The following XRCC6 variants were observed in gnomAD, a reference collection of about 807,000 sequenced individuals.
The protein encoded by XRCC6 is X-ray repair cross complementing 6.
XRCC6 carries 5 observed loss-of-function variants against 65.7 expected under a neutral mutation model. The observed-to-expected ratio is 0.08, with a 90% CI of 0.04 to 0.16. The LOEUF (loss-of-function observed/expected upper bound fraction) is 0.16, where lower values mean the gene tolerates loss of function less well. Ranked by LOEUF, XRCC6 falls within the 10% of genes least tolerant of loss-of-function variation. The probability of loss-of-function intolerance (pLI) is 1.00; values close to 1 mark genes in which losing one functional copy is unlikely to be tolerated. For missense variants in XRCC6, 447 were observed against 738.1 expected (o/e 0.61, Z 4.57); for synonymous variants, 270 against 270.6 (o/e 1.00, Z 0.02).
chr22:41,652,224 T>G (rs951053646), intron 8 of XRCC6, among the ~76,000 whole-genome samples: 1 of 144,244 alleles, frequency 6.9e-6, no homozygotes, highest in African/African-American at 2.5e-5. Flanking sequence ...GCCGTTGTGT[T>G]TATTTGTGCA....
Position 41,663,700 on chromosome 22 carries a change from C to T in XRCC6, c.1715C>T (p.Thr572Met). ...EELKTHISKG[T>M]LGKFTVPMLK... ...CTGAAGACCCACATCAGCAAGGGTA[C>T]GCTGGGCAAGTTCACTGTGCCCATG... is the stretch of plus-strand genomic sequence containing the variant. Residue 572 changes from threonine (T) to methionine (M), a missense_variant, in exon 13 of 13, where the codon ACG (threonine) becomes ATG (methionine). Around this residue, in one of 4 missense-constraint regions of XRCC6, gnomAD observed 201 missense variants for 374.1 expected, o/e 0.54. Transcript: ENST00000360079. 1 of 1,613,956 alleles carries T rather than the reference C, an allele frequency of 6.2e-7. No individual in the cohort carries two copies. The highest frequency in any genetic ancestry group is 8.5e-7 in the Non-Finnish European group (1 of 1,179,870).
rs952979212 is a variant in XRCC6 at position 41,647,052 on chromosome 22, G to C, written c.930G>C (p.Leu310Phe). 1.2e-6 allele frequency: 2 copies of C among 1,614,026 alleles called. No individual in the cohort carries two copies. Among genetic ancestry groups the C allele is most frequent in the African/African-American group, 2.7e-5 (2 of 74,914 alleles). ...CCTTTAATACAAGTACAGGCGGTTT[G>C]CTTCTGCCTAGCGATACCAAGAGGT... ...TRTFNTSTGGLLLPSDTKRSQ... is the reference protein window; with the variant it reads ...TRTFNTSTGGFLLPSDTKRSQ... Residue 310 changes from leucine to phenylalanine, a missense_variant, in exon 7 of 13, where the codon TTG (leucine) becomes TTC (phenylalanine). Leu to Phe is a conservative substitution (Grantham distance 22, BLOSUM62 0). Coordinates refer to ENST00000360079, the MANE Select transcript of XRCC6 (RefSeq NM_001469.5).
Position 41,647,042 on chromosome 22 carries a change from C to G in XRCC6, c.920C>G (p.Thr307Arg). ...AAGACCCGGACCTTTAATACAAGTA[C>G]AGGCGGTTTGCTTCTGCCTAGCGAT... ...KTKTRTFNTS[T>R]GGLLLPSDTK... The change falls in exon 7 of 13, where the codon ACA (threonine) becomes AGA (arginine). Residue 307 changes from threonine to arginine, a missense_variant. Thr to Arg is a moderately conservative substitution (Grantham distance 71, BLOSUM62 -1). This residue lies in a region of XRCC6 where 201 missense variants were observed against 374.1 expected (regional missense o/e 0.54). Transcript: ENST00000360079. The G allele has an allele frequency of 6.2e-7, 1 of 1,614,140 alleles. No homozygotes were observed. The highest frequency in any genetic ancestry group is 8.5e-7 in the Non-Finnish European group (1 of 1,180,032).
intron 6 of XRCC6, among the ~76,000 whole-genome samples, chr22:41,645,899 C>G (rs2067927153): frequency 6.6e-6 from 1 of 151,718 alleles, no homozygotes; most frequent in East Asian, 1.9e-4. Flanking sequence ...TGGGGTTTCA[C>G]CATGTTGGCC....
At chr22:41,663,109 T>C (rs1392110426) in intron 12 of XRCC6, among the ~76,000 whole-genome samples, 1 of 152,138 alleles carries the variant, frequency 6.6e-6, no homozygotes, top group Non-Finnish European at 1.5e-5. Context: ...ATATCCTTTT[T>C]TTGTTTTTAG....
chr22:41,635,506 C>T (rs1016557770), intron 3 of XRCC6, among the ~76,000 whole-genome samples: 5 of 152,256 alleles, frequency 3.3e-5, no homozygotes, highest in African/African-American at 9.6e-5. Flanking sequence ...TTGCTTCGCC[C>T]CAACTCCCAT....
chr22:41,639,105 T>C (rs1049176470), intron 6 of XRCC6, among the ~76,000 whole-genome samples: 1 of 152,102 alleles, frequency 6.6e-6, no homozygotes, highest in Non-Finnish European at 1.5e-5. Flanking sequence ...ACCAAAATGT[T>C]AGTGGTGCAT....
At chr22:41,658,467 C>A in intron 11 of XRCC6, 115 bp downstream of exon 11, 1 of 939,138 alleles carries the variant, frequency 1.1e-6, no homozygotes, top group Non-Finnish European at 1.7e-6. Context: ...ACCTCATTCC[C>A]CAGACCCCCT....
chr22:41,655,060 C>A (rs943986120), intron 9 of XRCC6, among the ~76,000 whole-genome samples: 1 of 152,184 alleles, frequency 6.6e-6, no homozygotes, highest in Non-Finnish European at 1.5e-5. Flanking sequence ...TAGTAGCTGT[C>A]TTGGTTATCA....
chr22:41,663,517 A>G, intron 12 of XRCC6, 105 bp from the exon 13 acceptor site: 2 of 1,307,080 alleles, frequency 1.5e-6, no homozygotes, highest in Non-Finnish European at 2.1e-6. Flanking sequence ...TCACAGCTTT[A>G]TGGTTAATTG....
intron 9 of XRCC6, 66 bp downstream of exon 9, chr22:41,653,756 C>A (rs1440384871): frequency 1.3e-6 from 2 of 1,540,896 alleles, no homozygotes; most frequent in Non-Finnish European, 1.8e-6. Flanking sequence ...TCCATGGACT[C>A]CTAATGCAGA....
intron 3 of XRCC6, among the ~76,000 whole-genome samples, chr22:41,634,856 C>T (rs2067793245): frequency 6.6e-6 from 1 of 152,058 alleles, no homozygotes; most frequent in Admixed American, 6.6e-5. Flanking sequence ...CTGATGAGCT[C>T]TTACAAGACC....
chr22:41,628,102 A>T lies in XRCC6; in HGVS notation c.83-16A>T. 1 of 1,562,834 alleles carries T rather than the reference A, an allele frequency of 6.4e-7. No individual in the cohort carries two copies. The highest frequency in any genetic ancestry group is 2.2e-5 in the East Asian group (1 of 44,554). On this transcript the variant is annotated splice_polypyrimidine_tract_variant and intron_variant, in intron 2 of 12. Coordinates refer to ENST00000360079, the MANE Select transcript of XRCC6 (RefSeq NM_001469.5). ...AAAACAAGGACAAACATTTTCTTCC[A>T]TTTTTTTCCCCATAGGAGACTATAA... is the stretch of plus-strand genomic sequence containing the variant.
rs1290088535 is a variant in XRCC6 at position 41,636,889 on chromosome 22, A to G, written c.589+119A>G. ...CAGCCTCCCAAGTAGCTGGGACTAT[A>G]AGCATGTGCTGTTGTGCCCAGTGCA... On this transcript the variant is annotated intron_variant, in intron 5 of 12. Coordinates refer to ENST00000360079, the MANE Select transcript of XRCC6 (RefSeq NM_001469.5). The G allele has an allele frequency of 2.1e-5, 28 of 1,340,654 alleles. No homozygotes were observed. In the Admixed American group the frequency reaches 7.5e-4, roughly 36 times the overall value. The allele number at this position is 1,340,654 out of a possible 1,614,324, so 83.0% of individuals were successfully genotyped here. A position where few individuals can be genotyped will look rare whatever the true frequency, so the allele number is the denominator to read the frequency against.
At chr22:41,650,145 C>T (rs1601550098) in intron 7 of XRCC6, among the ~76,000 whole-genome samples, 1 of 151,622 alleles carries the variant, frequency 6.6e-6, no homozygotes, top group Non-Finnish European at 1.5e-5. Flanking sequence ...TGCTCTGGTA[C>T]CCAGGTTGCA....
rs1354699289 is a variant in XRCC6, at chr22:41,647,028, C to G, written c.906C>G (p.Thr302=). 3 of 1,614,020 alleles carry G rather than the reference C, an allele frequency of 1.9e-6. No homozygotes were observed. The highest frequency in any genetic ancestry group is 1.3e-5 in the African/African-American group (1 of 74,918). The part of the protein sequence containing the change: ...TNEPVKTKTR[T]FNTSTGGLLL... ...AACCAGTGAAAACCAAGACCCGGAC[C>G]TTTAATACAAGTACAGGCGGTTTGC... Residue 302 remains threonine, a synonymous_variant, in exon 7 of 13, where the codon ACC becomes ACG. Coordinates refer to ENST00000360079, the MANE Select transcript of XRCC6 (RefSeq NM_001469.5).
At chr22:41,626,619 T>A (rs1233027643) in intron 2 of XRCC6, among the ~76,000 whole-genome samples, 1 of 150,118 alleles carries the variant, frequency 6.7e-6, no homozygotes, top group Non-Finnish European at 1.5e-5. Context: ...CACACCTGGC[T>A]AATGTTTGTT....
chr22:41,644,451 TG>T (rs1232648370), intron 6 of XRCC6, among the ~76,000 whole-genome samples: 1 of 152,218 alleles, frequency 6.6e-6, no homozygotes, highest in African/African-American at 2.4e-5. Flanking sequence ...TTTTGCATAT[TG>T]TAAATATATG....
intron 2 of XRCC6, among the ~76,000 whole-genome samples, chr22:41,625,945 T>A (rs2067665215): frequency 6.6e-6 from 1 of 152,146 alleles, no homozygotes; most frequent in East Asian, 1.9e-4. Context: ...TTCAAGTGAT[T>A]CTCCTGCCTC....
Sources: allele counts gnomAD v4.1 joint callset (sites outside exome capture counted in the v4.1 genomes callset), GRCh38; gene constraint gnomAD v4.1.1; regional missense constraint gnomAD v4.1.1; transcripts MANE v1.5; gene names NCBI Gene and HGNC (gene_info 2026-07-23, HGNC 2026-07-21).